The following NRXN1 variants were observed in gnomAD, a reference collection of about 807,000 sequenced individuals.
NRXN1 encodes neurexin-1.
A neutral mutation model predicts 150.9 loss-of-function variants in NRXN1; 39 were observed. That is an observed-to-expected ratio of 0.26 (90% CI 0.20 to 0.34). The LOEUF is 0.34. NRXN1 is among the 10% of genes least tolerant of loss of function. NRXN1 has a pLI of 1.00. For missense variants in NRXN1, 1,815 were observed against 1,949.9 expected, an observed-to-expected ratio of 0.93 and a Z score of 1.30; for synonymous variants, 924 against 757.0, an observed-to-expected ratio of 1.22 and a Z score of -3.62.
intron 12 of NRXN1, among the ~76,000 whole-genome samples, chr2:50,517,967 T>C (rs528233247): frequency 6.6e-6 from 1 of 152,272 alleles, no homozygotes; most frequent in African/African-American, 2.4e-5. Flanking sequence ...ATAAATATCA[T>C]TGCCTATGCA....
chr2:50,624,369 A>T (rs1209207348), intron 5 of NRXN1, among the ~76,000 whole-genome samples: 1 of 152,096 alleles, frequency 6.6e-6, no homozygotes, highest in African/African-American at 2.4e-5. Context: ...GGTACCATAA[A>T]TGCATATTGG....
Position 50,346,145 on chromosome 2 carries a change from C to T in NRXN1, c.3365-109175G>A, listed in dbSNP as rs940130487. On this transcript the variant is annotated intron_variant, in intron 17 of 22. Transcript: ENST00000401669. The surrounding 1 kb of genome is among the most constrained non-coding windows in gnomAD (Gnocchi z 5.0). Reference sequence around the variant, plus strand: ...GCGTGGGGGCAAAAGTAATTGGCCTCCTGTTGAGTGAGTCCCAGGACTGCT... The same window carrying T: ...GCGTGGGGGCAAAAGTAATTGGCCTTCTGTTGAGTGAGTCCCAGGACTGCT... Among the ~76,000 whole-genome samples, 1 of 152,156 alleles carries T rather than the reference C, an allele frequency of 6.6e-6. No homozygotes were observed. Among genetic ancestry groups the T allele is most frequent in the East Asian group, 1.9e-4 (1 of 5,166 alleles).
At chr2:50,391,716 G>C (rs1012967882) in intron 17 of NRXN1, among the ~76,000 whole-genome samples, 6 of 152,078 alleles carry the variant, frequency 3.9e-5, no homozygotes, top group African/African-American at 1.4e-4. Flanking sequence ...CCAGATCTGA[G>C]ACTCTCTGTT....
At position 50,925,966 on chromosome 2, in the gene NRXN1, A is replaced by G. The variant is rs1286727608; in HGVS notation, c.773-11T>C. 4 of 1,571,758 alleles carry G rather than the reference A, an allele frequency of 2.5e-6. No homozygotes were observed. The South Asian group carries it at 3.5e-5, about 14-fold the overall frequency. ...CCACATTGTTGTCTTCTGAAAGCAC[A>G]TGACAAGGAGGGAGAGAAAAGGAAA... On this transcript the variant is annotated splice_polypyrimidine_tract_variant and intron_variant, in intron 2 of 22. Coordinates refer to ENST00000401669, the MANE Select transcript of NRXN1 (RefSeq NM_001330078.2).
intron 2 of NRXN1, among the ~76,000 whole-genome samples, chr2:50,943,427 G>C (rs1338851435): frequency 6.6e-6 from 1 of 152,168 alleles, no homozygotes; most frequent in African/African-American, 2.4e-5. Context: ...GAGTGGTTAA[G>C]CTGCTAATAA....
intron 18 of NRXN1, among the ~76,000 whole-genome samples, chr2:50,096,546 T>C (rs1029336291): frequency 1.3e-5 from 2 of 152,248 alleles, no homozygotes; most frequent in African/African-American, 4.8e-5. Flanking sequence ...GTCATTTCAC[T>C]GGACATGTCT....
intron 5 of NRXN1, among the ~76,000 whole-genome samples, chr2:50,787,826 G>A (rs1043271908): frequency 6.6e-6 from 1 of 151,888 alleles, no homozygotes; most frequent in East Asian, 1.9e-4. Context: ...GACTGCTTTT[G>A]GCACTGGTGA....
chr2:50,450,007 T>C (rs1171056643), intron 17 of NRXN1, among the ~76,000 whole-genome samples: 1 of 152,236 alleles, frequency 6.6e-6, no homozygotes, highest in Non-Finnish European at 1.5e-5. Flanking sequence ...ATTCTGGATC[T>C]ATTTGTCTCC....
At chr2:50,171,714 A>AGAAATGATCC (rs2060042242) in intron 18 of NRXN1, among the ~76,000 whole-genome samples, 1 of 152,208 alleles carries the variant, frequency 6.6e-6, no homozygotes, top group South Asian at 2.1e-4. Flanking sequence ...AGAATGTTAA[A>AGAAATGATCC]GAAATGATCC....
At chr2:50,905,849 A>C (rs1683590524) in intron 5 of NRXN1, among the ~76,000 whole-genome samples, 1 of 152,144 alleles carries the variant, frequency 6.6e-6, no homozygotes, top group Non-Finnish European at 1.5e-5. Context: ...GTGTTTATCA[A>C]AATGGAAGAT....
intron 5 of NRXN1, among the ~76,000 whole-genome samples, chr2:50,830,263 T>C (rs1199234872): frequency 6.6e-6 from 1 of 151,966 alleles, no homozygotes; most frequent in African/African-American, 2.4e-5. Context: ...TTCAGTGGAT[T>C]AGGAGGGAGG....
At chr2:50,542,978 A>G (rs1292503287) in intron 9 of NRXN1, among the ~76,000 whole-genome samples, 1 of 152,196 alleles carries the variant, frequency 6.6e-6, no homozygotes, top group East Asian at 1.9e-4. Flanking sequence ...GTGGTTACAA[A>G]GAACACATCA....
intron 18 of NRXN1, among the ~76,000 whole-genome samples, chr2:50,216,824 C>T (rs901208026): frequency 6.6e-6 from 1 of 152,166 alleles, no homozygotes; most frequent in African/African-American, 2.4e-5. Context: ...TGATTCCAAA[C>T]ATGCACCTGC....
intron 2 of NRXN1, among the ~76,000 whole-genome samples, chr2:51,022,512 A>T (rs1050490459): frequency 6.6e-6 from 1 of 152,148 alleles, no homozygotes; most frequent in Non-Finnish European, 1.5e-5. Context: ...ATTACCTCAT[A>T]GTCAAAATAA....
At chr2:50,382,250 G>T (rs1342147546) in intron 17 of NRXN1, among the ~76,000 whole-genome samples, 3 of 152,214 alleles carry the variant, frequency 2.0e-5, no homozygotes, top group East Asian at 1.9e-4. Context: ...TTAATTTGTT[G>T]TTGCTCTGAT....
At chr2:50,192,593 G>A (rs1451037645) in intron 18 of NRXN1, among the ~76,000 whole-genome samples, 2 of 149,050 alleles carry the variant, frequency 1.3e-5, no homozygotes, top group East Asian at 2.0e-4. Context: ...CAAATCGGAA[G>A]AATATATACT....
At chr2:50,435,658 C>G (rs1470159322) in intron 17 of NRXN1, among the ~76,000 whole-genome samples, 1 of 151,922 alleles carries the variant, frequency 6.6e-6, no homozygotes, top group African/African-American at 2.4e-5. Flanking sequence ...GAGTATATAC[C>G]CAATAATGGG....
chr2:50,614,673 A>AC (rs1427519669), intron 8 of NRXN1, among the ~76,000 whole-genome samples: 343 of 145,430 alleles, frequency 2.4e-3, no homozygotes, highest in Non-Finnish European at 4.2e-3. Context: ...TAAAAAAAAA[A>AC]CAGAATATCC....
chr2:51,010,353 TA>T (rs1247869190), intron 2 of NRXN1, among the ~76,000 whole-genome samples: 4 of 152,054 alleles, frequency 2.6e-5, no homozygotes, highest in Non-Finnish European at 5.9e-5. Flanking sequence ...CTATTTTGCA[TA>T]TATGTGTATG....
Sources: allele counts gnomAD v4.1 joint callset (sites outside exome capture counted in the v4.1 genomes callset), GRCh38; gene constraint gnomAD v4.1.1; non-coding constraint Gnocchi (gnomAD v3.1); transcripts MANE v1.5; gene names NCBI Gene and HGNC (gene_info 2026-07-23, HGNC 2026-07-21).